PRKG2: variants seen among roughly 807,000 people sequenced by gnomAD.
PRKG2 encodes the protein cGMP-dependent protein kinase 2.
In PRKG2, 33 loss-of-function variants were observed where a neutral mutation model predicts 97.2. The ratio of observed to expected loss-of-function variants is 0.34; its 90% CI spans 0.26 to 0.45. The LOEUF (loss-of-function observed/expected upper bound fraction) is 0.45. Among genes scored for constraint, PRKG2 ranks in the 20% least tolerant of loss-of-function variants. PRKG2 has a pLI of 1.00. For synonymous variants in PRKG2, 330 were observed against 321.8 expected (o/e 1.03, Z -0.27); for missense variants, 638 against 900.0 (o/e 0.71, Z 3.73).
chr4:81,197,352 A>C (rs1412274957), intron 2 of PRKG2, among the ~76,000 whole-genome samples: 1 of 152,238 alleles, frequency 6.6e-6, no homozygotes. Context: ...GCTCCTGCCC[A>C]GGCAACCAGG....
chr4:81,178,059 C>A (rs1161370203), intron 2 of PRKG2, among the ~76,000 whole-genome samples: 1 of 136,106 alleles, frequency 7.3e-6, no homozygotes, highest in Non-Finnish European at 1.6e-5. Flanking sequence ...GGTGTCCCAT[C>A]TGAAATCCTG....
intron 13 of PRKG2, among the ~76,000 whole-genome samples, chr4:81,135,849 A>C (rs1223695299): frequency 6.6e-6 from 1 of 151,302 alleles, no homozygotes; most frequent in Non-Finnish European, 1.5e-5. Flanking sequence ...TTTTTAATGC[A>C]GTGGTGATTT....
chr4:81,188,261 C>G (rs1178748618), intron 2 of PRKG2, among the ~76,000 whole-genome samples: 9 of 151,124 alleles, frequency 6.0e-5, no homozygotes, highest in Admixed American at 1.3e-4. Flanking sequence ...AGCCAAAAAA[C>G]ACATGAAAAA....
chr4:81,119,171 TAAAAAGTCA>T (rs935813922), intron 14 of PRKG2, among the ~76,000 whole-genome samples: 3 of 152,202 alleles, frequency 2.0e-5, no homozygotes, highest in Non-Finnish European at 2.9e-5. Flanking sequence ...GTGTTGTATC[TAAAAAGTCA>T]TTGCCATATT....
intron 14 of PRKG2, among the ~76,000 whole-genome samples, chr4:81,114,637 C>A (rs1174033908): frequency 6.6e-6 from 1 of 152,094 alleles, no homozygotes. Context: ...ATAATTGATA[C>A]ATACAAAATA....
intron 2 of PRKG2, among the ~76,000 whole-genome samples, chr4:81,190,449 C>G (rs6811913): frequency 0.23 from 34,395 of 151,940 alleles, 7,759 homozygotes; most frequent in African/African-American, 0.58. Context: ...ACTCAAGATG[C>G]ATTAAAGACT....
chr4:81,089,675 G>A lies in PRKG2; in HGVS notation c.*33C>T, dbSNP rs747661232. 1.5e-5 allele frequency: 22 copies of A among 1,455,430 alleles called. No individual in the cohort carries two copies. The highest frequency in any genetic ancestry group is 2.1e-5 in the Non-Finnish European group (22 of 1,038,594). The allele number at this position is 1,455,430 out of a possible 1,614,324, so 90.2% of individuals were successfully genotyped here. Reference sequence around the variant, plus strand: ...TTATTGATCCTTGAGGTCCTCTTCTGTAGAGTACAGGCAGTAATCAACTTT... The same window carrying A: ...TTATTGATCCTTGAGGTCCTCTTCTATAGAGTACAGGCAGTAATCAACTTT... On this transcript the variant is annotated 3_prime_UTR_variant, in exon 19 of 19. Coordinates refer to ENST00000264399, the MANE Select transcript of PRKG2 (RefSeq NM_006259.3).
chr4:81,213,713 A>G (rs138324746), intron 1 of PRKG2, among the ~76,000 whole-genome samples: 34 of 152,344 alleles, frequency 2.2e-4, no homozygotes, highest in Non-Finnish European at 3.7e-4. Flanking sequence ...GAGATAATTC[A>G]TAGGAAAAAT....
chr4:81,105,001 T>C (rs1743187103), intron 16 of PRKG2, among the ~76,000 whole-genome samples: 1 of 152,086 alleles, frequency 6.6e-6, no homozygotes, highest in Admixed American at 6.6e-5. Context: ...TTTTAAAAAA[T>C]GAAGATGGAA....
chr4:81,106,620 A>G (rs1743369872), intron 15 of PRKG2, among the ~76,000 whole-genome samples: 1 of 152,200 alleles, frequency 6.6e-6, no homozygotes, highest in African/African-American at 2.4e-5. Context: ...TGCCTAGCAT[A>G]GTAATGTTGA....
chr4:81,099,601 A>G (rs1323653288), intron 17 of PRKG2, among the ~76,000 whole-genome samples: 2 of 152,180 alleles, frequency 1.3e-5, no homozygotes, highest in Non-Finnish European at 2.9e-5. Context: ...CCCACAGCCA[A>G]TATCATACTG....
At chr4:81,191,683 T>C (rs544542589) in intron 2 of PRKG2, among the ~76,000 whole-genome samples, 4 of 152,258 alleles carry the variant, frequency 2.6e-5, no homozygotes, top group Non-Finnish European at 5.9e-5. Context: ...ACAGTTGTAC[T>C]ACAGAGCTAT....
chr4:81,099,796 T>G (rs1172863438), intron 17 of PRKG2, among the ~76,000 whole-genome samples: 2 of 152,186 alleles, frequency 1.3e-5, no homozygotes, highest in South Asian at 4.1e-4. Flanking sequence ...GATGACATGA[T>G]TGTGTATCTA....
At chr4:81,183,602 T>A (rs1368972437) in intron 2 of PRKG2, among the ~76,000 whole-genome samples, 1 of 151,984 alleles carries the variant, frequency 6.6e-6, no homozygotes, top group Non-Finnish European at 1.5e-5. Flanking sequence ...GGAATTTTTT[T>A]TTTTCATACC....
chr4:81,109,478 C>G (rs1743685630), intron 15 of PRKG2, among the ~76,000 whole-genome samples: 2 of 152,124 alleles, frequency 1.3e-5, no homozygotes, highest in South Asian at 4.1e-4. Context: ...GATTTGAATT[C>G]TGTGTGTGTA....
chr4:81,131,194 A>G (rs1470494060), intron 14 of PRKG2, among the ~76,000 whole-genome samples: 2 of 151,990 alleles, frequency 1.3e-5, no homozygotes, highest in Admixed American at 6.5e-5. Flanking sequence ...GGAATTCACC[A>G]TTCCTCACAG....
chr4:81,171,251 A>G (rs1750450181), intron 4 of PRKG2, among the ~76,000 whole-genome samples: 1 of 151,940 alleles, frequency 6.6e-6, no homozygotes, highest in South Asian at 2.1e-4. Context: ...CTTATAAGTA[A>G]GAACATGCAG....
At chr4:81,148,589 C>T (rs961132994) in intron 9 of PRKG2, among the ~76,000 whole-genome samples, 4 of 152,232 alleles carry the variant, frequency 2.6e-5, no homozygotes, top group Admixed American at 6.5e-5. Context: ...CATAAGCGAA[C>T]GAATCAACTT....
chr4:81,135,577 A>C (rs1337462080), intron 13 of PRKG2, among the ~76,000 whole-genome samples: 1 of 152,216 alleles, frequency 6.6e-6, no homozygotes, highest in South Asian at 2.1e-4. Flanking sequence ...AGAAAAATCC[A>C]AAAACAAAGA....
Sources: gnomAD v4.1 joint callset for allele counts (sites outside exome capture counted in the v4.1 genomes callset) on GRCh38, gnomAD v4.1.1 for gene constraint, MANE v1.5 for transcripts, NCBI Gene and HGNC (gene_info 2026-07-23, HGNC 2026-07-21) for gene names.